Variants in DMD observed in about 807,000 individuals in gnomAD.
DMD encodes the protein mutant dystrophin.
Under a neutral mutation model 330.1 loss-of-function variants are expected in DMD, and 63 were observed. The ratio of observed to expected loss-of-function variants is 0.19; its 90% CI spans 0.16 to 0.24. DMD has a LOEUF of 0.24. Ranked by LOEUF, DMD falls within the 10% of genes least tolerant of loss-of-function variation. The pLI is 1.00. For missense variants in DMD, 3,344 were observed against 2,684.1 expected (o/e 1.25, Z -5.43); for synonymous variants, 1,223 against 959.8 (o/e 1.27, Z -5.07).
chrX:31,812,965 A>G (rs2092507793), intron 50 of DMD, among the ~76,000 whole-genome samples: 1 of 112,431 alleles, frequency 8.9e-6, no homozygotes. Flanking sequence ...AAATAATTCA[A>G]TTGGGAGCTG....
chrX:32,235,210 G>T (rs2097183256), intron 43 of DMD, among the ~76,000 whole-genome samples: 1 of 111,442 alleles, frequency 9.0e-6, no homozygotes, highest in African/African-American at 3.3e-5. Flanking sequence ...CCCATCTGGG[G>T]GGTGATGGGA....
At chrX:32,882,722 C>T (rs1420412042) in intron 2 of DMD, among the ~76,000 whole-genome samples, 2 of 112,132 alleles carry the variant, frequency 1.8e-5, no homozygotes, top group African/African-American at 6.5e-5. Flanking sequence ...ACAGTTGAAT[C>T]AAATCTAGCC....
In DMD at chrX:32,569,713, C is replaced by T. The variant is rs180864612; in HGVS notation, c.1812+3817G>A. Among the ~76,000 whole-genome samples the T allele has an allele frequency of 4.5e-5, 5 of 111,437 alleles. No homozygotes were observed. In the East Asian group the frequency reaches 1.4e-3, roughly 32 times the overall value. ...GTTACCATGAGCACTTCATCCATGTCCTTTGATCCCACAGCCATTTGAGAA... is the reference window on the plus strand; with the variant it reads ...GTTACCATGAGCACTTCATCCATGTTCTTTGATCCCACAGCCATTTGAGAA... On this transcript the variant is annotated intron_variant, in intron 15 of 78. Coordinates refer to ENST00000357033, the MANE Select transcript of DMD (RefSeq NM_004006.3).
chrX:32,698,044 A>T lies in DMD; in HGVS notation c.832-46T>A, dbSNP rs775278909. On this transcript the variant is annotated intron_variant, in intron 8 of 78. Coordinates refer to ENST00000357033, the MANE Select transcript of DMD (RefSeq NM_004006.3). ...GAGTGGATAGAGAGGAGGGGGAAAAACCATAAGTAACCCGAAAGGACTACT... is the reference window on the plus strand; with the variant it reads ...GAGTGGATAGAGAGGAGGGGGAAAATCCATAAGTAACCCGAAAGGACTACT... 2.6e-6 allele frequency: 3 copies of T among 1,142,040 alleles called. No homozygotes were observed. In the African/African-American group the frequency reaches 5.5e-5, roughly 21 times the overall value. 94.1% of individuals were successfully genotyped at this position (1,142,040 alleles called of 1,213,427 possible).
intron 45 of DMD, among the ~76,000 whole-genome samples, chrX:31,935,947 A>T (rs758745016): frequency 2.0e-4 from 22 of 111,467 alleles, no homozygotes; most frequent in African/African-American, 5.9e-4. Flanking sequence ...AATATCCAGT[A>T]CAGAGGAGAG....
At chrX:33,024,426 CAAG>C (rs1470054652) in intron 1 of DMD, among the ~76,000 whole-genome samples, 1 of 111,907 alleles carries the variant, frequency 8.9e-6, no homozygotes, top group Non-Finnish European at 1.9e-5. Flanking sequence ...CTGGAGATGT[CAAG>C]AAGTGAAGAA....
At chrX:31,740,960 T>C (rs112843527) in intron 51 of DMD, among the ~76,000 whole-genome samples, 54 of 112,396 alleles carry the variant, frequency 4.8e-4, no homozygotes, top group African/African-American at 1.7e-3. Context: ...ACTAAGTTTA[T>C]GGAATATTCT....
At chrX:32,383,550 T>C (rs5972552) in intron 33 of DMD, among the ~76,000 whole-genome samples, 1,800 of 111,278 alleles carry the variant, frequency 0.016, 42 homozygotes, top group African/African-American at 0.054. Context: ...AGATGGTATT[T>C]ATACATGATC....
chrX:33,203,599 C>T (rs1378007571), intron 1 of DMD, among the ~76,000 whole-genome samples: 3 of 110,365 alleles, frequency 2.7e-5, no homozygotes, highest in African/African-American at 9.9e-5. Flanking sequence ...TCGAAAGGAA[C>T]AGACCTCTTT....
chrX:32,188,827 A>G (rs1379514439), intron 44 of DMD, among the ~76,000 whole-genome samples: 1 of 110,692 alleles, frequency 9.0e-6, no homozygotes, highest in African/African-American at 3.3e-5. Flanking sequence ...AACACATCAA[A>G]AGCATTCTGA....
chrX:31,971,270 T>A (rs148133628), intron 44 of DMD, among the ~76,000 whole-genome samples: 1 of 112,182 alleles, frequency 8.9e-6, no homozygotes, highest in African/African-American at 3.2e-5. Flanking sequence ...GCAGCATTTT[T>A]ATCTCAGCCT....
intron 1 of DMD, among the ~76,000 whole-genome samples, chrX:33,310,485 A>C (rs2053833018): frequency 9.0e-6 from 1 of 111,593 alleles, no homozygotes; most frequent in Admixed American, 9.6e-5. Context: ...AGAACACAAA[A>C]GGTCTATAAT....
chrX:32,071,016 A>G (rs925077213), intron 44 of DMD, among the ~76,000 whole-genome samples: 2 of 111,539 alleles, frequency 1.8e-5, no homozygotes, highest in Non-Finnish European at 3.8e-5. Flanking sequence ...ATGGCTGCAC[A>G]GTATTCCATG....
chrX:32,160,179 T>C (rs1335873880), intron 44 of DMD, among the ~76,000 whole-genome samples: 4 of 110,433 alleles, frequency 3.6e-5, no homozygotes, highest in Non-Finnish European at 5.7e-5. Flanking sequence ...CAGTATTCAT[T>C]CAATGAACAT....
intron 2 of DMD, among the ~76,000 whole-genome samples, chrX:32,991,190 C>G (rs1440219800): frequency 2.7e-5 from 3 of 110,670 alleles, no homozygotes; most frequent in Non-Finnish European, 5.7e-5. Context: ...TTCTAAGGTA[C>G]TTTGATTTTT....
chrX:31,876,688 C>CAAAAAAA (rs1165746413), intron 47 of DMD, among the ~76,000 whole-genome samples: 3 of 83,015 alleles, frequency 3.6e-5, no homozygotes, highest in Non-Finnish European at 4.9e-5. Context: ...CCCATCTCTA[C>CAAAAAAA]AAAAAAAAAA....
intron 1 of DMD, among the ~76,000 whole-genome samples, chrX:33,038,960 C>T (rs1310195810): frequency 1.8e-5 from 2 of 111,454 alleles, no homozygotes; most frequent in East Asian, 2.8e-4. Flanking sequence ...CGTCACTGCA[C>T]TCCAGCCTGG....
chrX:32,066,690 T>C (rs1346723498), intron 44 of DMD, among the ~76,000 whole-genome samples: 2 of 111,297 alleles, frequency 1.8e-5, no homozygotes, highest in Admixed American at 1.9e-4. Context: ...GTCCCCTATA[T>C]ATTTGGGTGC....
intron 2 of DMD, among the ~76,000 whole-genome samples, chrX:32,990,389 T>TA (rs1309791817): frequency 8.9e-6 from 1 of 111,877 alleles, no homozygotes; most frequent in Non-Finnish European, 1.9e-5. Context: ...GAGTGCAGTG[T>TA]AATTCATCAG....
Sources: gnomAD v4.1 joint callset for allele counts (sites outside exome capture counted in the v4.1 genomes callset) on GRCh38, gnomAD v4.1.1 for gene constraint, MANE v1.5 for transcripts, NCBI Gene and HGNC (gene_info 2026-07-23, HGNC 2026-07-21) for gene names.